LAMA2: variants seen among roughly 807,000 people sequenced by gnomAD.
LAMA2 encodes the protein laminin subunit alpha 2.
LAMA2 carries 269 observed loss-of-function variants against 364.8 expected under a neutral mutation model. The observed-to-expected ratio is 0.74, with a 90% confidence interval of 0.67 to 0.82. The LOEUF is 0.82. Ranked by LOEUF, LAMA2 falls within the 40% of genes least tolerant of loss-of-function variation. The pLI, the probability that LAMA2 is intolerant of heterozygous loss-of-function variation, is 0.00. For missense variants in LAMA2, 3,807 were observed against 3,873.2 expected (o/e 0.98, Z 0.45); for synonymous variants, 1,379 against 1,370.6 (o/e 1.01, Z -0.14).
At chr6:129,113,365 T>C (rs1292494126) in intron 4 of LAMA2, among the ~76,000 whole-genome samples, 1 of 152,166 alleles carries the variant, frequency 6.6e-6, no homozygotes, top group East Asian at 1.9e-4. Context: ...GAGATGGATG[T>C]AGTCTTTTTG....
intron 29 of LAMA2, among the ~76,000 whole-genome samples, chr6:129,335,352 GTAGGTAGA>G (rs1216007023): frequency 7.7e-6 from 1 of 130,544 alleles, no homozygotes; most frequent in East Asian, 2.2e-4. Flanking sequence ...TAGGTAGTAA[GTAGGTAGA>G]TAGATAGATA....
At chr6:128,982,867 T>G (rs1782981188) in intron 1 of LAMA2, among the ~76,000 whole-genome samples, 1 of 149,708 alleles carries the variant, frequency 6.7e-6, no homozygotes, top group Admixed American at 6.7e-5. Context: ...CGGTGTTTGG[T>G]TTTTTGTCCT....
chr6:129,102,284 G>A (rs550531472), intron 4 of LAMA2, among the ~76,000 whole-genome samples: 9 of 151,722 alleles, frequency 5.9e-5, no homozygotes, highest in Admixed American at 2.6e-4. Flanking sequence ...TTACAGGCGC[G>A]TGCCACCATG....
chr6:129,250,016 C>T (rs1412993739), intron 12 of LAMA2, 96 bp from the exon 13 acceptor site: 10 of 801,374 alleles, frequency 1.2e-5, no homozygotes, highest in Non-Finnish European at 2.0e-5. Context: ...AAATACTGCC[C>T]TATAGAACAA....
At chr6:129,086,305 C>T (rs1774384073) in intron 3 of LAMA2, among the ~76,000 whole-genome samples, 1 of 152,122 alleles carries the variant, frequency 6.6e-6, no homozygotes, top group Non-Finnish European at 1.5e-5. Context: ...GGTGGTATCC[C>T]ATTTTTCATA....
chr6:129,236,126 A>G (rs541675165), intron 12 of LAMA2, among the ~76,000 whole-genome samples: 16 of 152,284 alleles, frequency 1.1e-4, no homozygotes, highest in South Asian at 8.3e-4. Context: ...TAGCCTCCAA[A>G]ATGTGTTAAA....
At chr6:129,122,540 G>C (rs191144019) in intron 4 of LAMA2, among the ~76,000 whole-genome samples, 15 of 152,244 alleles carry the variant, frequency 9.9e-5, no homozygotes, top group Admixed American at 4.6e-4. Flanking sequence ...CTGAAAAGCA[G>C]GATTACATAT....
intron 34 of LAMA2, among the ~76,000 whole-genome samples, chr6:129,372,458 A>G (rs1464828759): frequency 6.6e-6 from 1 of 151,966 alleles, no homozygotes; most frequent in Non-Finnish European, 1.5e-5. Context: ...GTTTCTCCAT[A>G]TTTTTTCATG....
chr6:128,914,219 A>G lies in LAMA2; in HGVS notation c.112+30862A>G, dbSNP rs569232500. On this transcript the variant is annotated intron_variant, in intron 1 of 64. Transcript: ENST00000421865. ...TGTTTTACTGTCACAACTCCCAAAA[A>G]CCAGCTGGTTCTGGGATGTCGTAAC... is the stretch of plus-strand genomic sequence containing the variant. Among the ~76,000 whole-genome samples, 3 of 152,208 alleles carry G rather than the reference A, an allele frequency of 2.0e-5. No homozygotes were observed. The South Asian group carries it at 6.2e-4, about 32-fold the overall frequency.
chr6:129,081,841 C>G (rs1774077034), intron 3 of LAMA2, among the ~76,000 whole-genome samples: 1 of 152,042 alleles, frequency 6.6e-6, no homozygotes, highest in Non-Finnish European at 1.5e-5. Context: ...AGAAGCATTT[C>G]TGAAGATAGA....
Position 129,516,408 on chromosome 6 carries a change from A to C in LAMA2, c.*61A>C. On this transcript the variant is annotated 3_prime_UTR_variant, in exon 65 of 65. Coordinates refer to ENST00000421865, the MANE Select transcript of LAMA2 (RefSeq NM_000426.4). ...AACAAGTATATCAAGTAAAACAAAC[A>C]AATATATTTTACCTATATATGTTAA... 1 of 1,500,168 alleles carries C rather than the reference A, an allele frequency of 6.7e-7. No individual in the cohort carries two copies. 92.9% of individuals were successfully genotyped at this position (1,500,168 alleles called of 1,614,324 possible). A position where few individuals can be genotyped will look rare whatever the true frequency, so the allele number is the denominator to read the frequency against.
At chr6:129,330,891 C>T (rs538808023) in intron 29 of LAMA2, among the ~76,000 whole-genome samples, 10 of 150,516 alleles carry the variant, frequency 6.6e-5, no homozygotes, top group East Asian at 5.9e-4. Flanking sequence ...TTTTTTGAGA[C>T]GGAGTCTTGC....
At chr6:129,106,258 A>G (rs1396672405) in intron 4 of LAMA2, among the ~76,000 whole-genome samples, 1 of 151,278 alleles carries the variant, frequency 6.6e-6, no homozygotes, top group East Asian at 1.9e-4. Flanking sequence ...TCCTCTTTTC[A>G]TCATCTGACA....
intron 8 of LAMA2, among the ~76,000 whole-genome samples, chr6:129,163,245 CT>C (rs1779547535): frequency 1.3e-5 from 2 of 151,708 alleles, no homozygotes; most frequent in Non-Finnish European, 1.5e-5. Context: ...AATTTTTTTT[CT>C]TTCTCCGTTC....
chr6:129,328,757 A>C (rs1161734957), intron 29 of LAMA2, among the ~76,000 whole-genome samples: 1 of 152,234 alleles, frequency 6.6e-6, no homozygotes, highest in Non-Finnish European at 1.5e-5. Flanking sequence ...AATTAAGAAG[A>C]AAAAATTCAC....
At chr6:129,156,504 C>T (rs1052735921) in intron 8 of LAMA2, among the ~76,000 whole-genome samples, 7 of 150,660 alleles carry the variant, frequency 4.6e-5, no homozygotes, top group African/African-American at 1.7e-4. Flanking sequence ...ACTTTATGCC[C>T]TATAGCCATC....
At chr6:128,908,970 T>G (rs1777692793) in intron 1 of LAMA2, among the ~76,000 whole-genome samples, 1 of 146,952 alleles carries the variant, frequency 6.8e-6, no homozygotes, top group Non-Finnish European at 1.5e-5. Context: ...TAATCCTGAG[T>G]TCTAGTTTGA....
chr6:129,095,632 C>G (rs994437535), intron 3 of LAMA2, among the ~76,000 whole-genome samples: 1 of 151,606 alleles, frequency 6.6e-6, no homozygotes, highest in Non-Finnish European at 1.5e-5. Context: ...ACAAGCTGGC[C>G]GGGCACGGTG....
rs1486292247 is a variant in LAMA2 at position 129,427,756 on chromosome 6, C to G, written c.5870C>G (p.Thr1957Arg). ...CATTTGTTTTTCTGTCCACAGGCAA[C>G]AGGTCCTCGGGGTTTATTAAAGGAA... The part of the protein sequence containing the change: ...DLAHEATKLA[T>R]GPRGLLKEDA... The change falls in exon 41 of 65, where the codon ACA becomes AGA. Residue 1957 changes from threonine (T) to arginine (R), a missense_variant. Physicochemically the swap from Thr to Arg is moderately conservative, Grantham distance 71 (BLOSUM62 -1). This residue lies in a region of LAMA2 where 3,333 missense variants were observed against 3,345.7 expected (regional missense o/e 1.00). Transcript: ENST00000421865. 6.2e-7 allele frequency: 1 copy of G among 1,611,610 alleles called. No homozygotes were observed. The highest frequency in any genetic ancestry group is 1.3e-5 in the African/African-American group (1 of 74,864).
Sources: allele counts gnomAD v4.1 joint callset (sites outside exome capture counted in the v4.1 genomes callset), GRCh38; gene constraint gnomAD v4.1.1; regional missense constraint gnomAD v4.1.1; transcripts MANE v1.5; gene names NCBI Gene and HGNC (gene_info 2026-07-23, HGNC 2026-07-21).